Variants in ZNF362 observed in about 807,000 individuals in gnomAD.
ZNF362 encodes the protein zinc finger protein 362, also known as rotund homolog.
Under a neutral mutation model 42.9 loss-of-function variants are expected in ZNF362, and 11 were observed. The observed-to-expected ratio is 0.26, with a 90% CI of 0.16 to 0.42. The LOEUF is 0.42. Among genes scored for constraint, ZNF362 ranks in the 20% least tolerant of loss-of-function variants. The pLI, the probability that ZNF362 is intolerant of heterozygous loss-of-function variation, is 1.00. For synonymous variants in ZNF362, 255 were observed against 257.3 expected (o/e 0.99, Z 0.09); for missense variants, 362 against 576.2 (o/e 0.63, Z 3.81).
In ZNF362 at chr1:33,280,350, C is replaced by T. The variant is rs2148107910; in HGVS notation, c.576C>T (p.Arg192=). The T allele has an allele frequency of 5.0e-6, 8 of 1,614,014 alleles. No homozygotes were observed. Among genetic ancestry groups the T allele is most frequent in the East Asian group, 2.2e-5 (1 of 44,870 alleles). The change falls in exon 5 of 9, where the codon CGC becomes CGT. Residue 192 remains arginine (R), a synonymous_variant. Coordinates refer to ENST00000539719, the MANE Select transcript of ZNF362 (RefSeq NM_152493.3). The surrounding 1 kb of genome is among the most constrained non-coding windows in gnomAD (Gnocchi z 5.6). The part of the protein sequence containing the change: ...HGLLGPPKSE[R]GRKKIKAENP... ...TGCTTGGCCCCCCCAAGTCCGAACG[C>T]GGCCGCAAAAAGATCAAGGCGGAGA...
chr1:33,239,287 C>A, the ZNF362 span, among the ~76,000 whole-genome samples: 3 of 152,170 alleles, frequency 2.0e-5, no homozygotes, highest in East Asian at 5.8e-4. Context: ...AGACCCCAAA[C>A]GTGGGCCCTA....
intron 7 of ZNF362, 34 bp from the exon 8 acceptor site, chr1:33,295,113 G>T (rs766078794): frequency 6.2e-7 from 1 of 1,613,402 alleles, no homozygotes; most frequent in Non-Finnish European, 8.5e-7. Context: ...AGGGAGCCCT[G>T]TTCCTCTCCT....
the ZNF362 span, among the ~76,000 whole-genome samples, chr1:33,191,585 A>G: frequency 6.6e-6 from 1 of 152,218 alleles, no homozygotes; most frequent in African/African-American, 2.4e-5. Context: ...GTTCACTGCA[A>G]CCACTGCCTC....
chr1:33,217,909 T>A, the ZNF362 span, among the ~76,000 whole-genome samples: 1 of 152,200 alleles, frequency 6.6e-6, no homozygotes, highest in African/African-American at 2.4e-5. Flanking sequence ...ATATTTATCT[T>A]ATTACTGTCA....
the ZNF362 span, among the ~76,000 whole-genome samples, chr1:33,211,420 A>G: frequency 6.6e-6 from 1 of 152,116 alleles, no homozygotes. Context: ...GAGCTCTTGT[A>G]AGGCAGGCCT....
At chr1:33,128,182 T>C in the ZNF362 span, among the ~76,000 whole-genome samples, 1 of 97,808 alleles carries the variant, frequency 1.0e-5, no homozygotes, top group African/African-American at 4.0e-5. Context: ...CCGGGTAAAA[T>C]AGTGAAACTC....
At chr1:33,191,568 G>A in the ZNF362 span, among the ~76,000 whole-genome samples, 4 of 152,016 alleles carry the variant, frequency 2.6e-5, no homozygotes, top group Non-Finnish European at 5.9e-5. Context: ...GCAATGGCAC[G>A]ATCTTGGTTC....
the ZNF362 span, among the ~76,000 whole-genome samples, chr1:33,233,830 T>C: frequency 6.6e-6 from 1 of 152,194 alleles, no homozygotes; most frequent in Non-Finnish European, 1.5e-5. Context: ...CACAAGAGTT[T>C]GACTTCCAGC....
chr1:33,150,257 C>T, the ZNF362 span, among the ~76,000 whole-genome samples: 1 of 152,180 alleles, frequency 6.6e-6, no homozygotes, highest in African/African-American at 2.4e-5. Context: ...CCTTTACTGG[C>T]GAAGTGGGGA....
rs1262021492 is a variant in ZNF362 at position 33,281,143 on chromosome 1, C to G, written c.684-444C>G. 2.6e-5 allele frequency among the ~76,000 whole-genome samples: 4 copies of G among 152,170 alleles called. No homozygotes were observed. Among genetic ancestry groups the G allele is most frequent in the African/African-American group, 9.7e-5 (4 of 41,436 alleles). On this transcript the variant is annotated intron_variant, in intron 5 of 8. Coordinates refer to ENST00000539719, the MANE Select transcript of ZNF362 (RefSeq NM_152493.3). This position sits in a 1 kb window ranked among gnomAD's most constrained non-coding sequence, Gnocchi z 4.8. Reference sequence around the variant, plus strand: ...CTTTCAGAAAATGCGGATGCCAGGGCTGCATCTCCAGGAATTCTGAGTTAA... The same window carrying G: ...CTTTCAGAAAATGCGGATGCCAGGGGTGCATCTCCAGGAATTCTGAGTTAA...
At chr1:33,296,549 T>C (rs1646125682) in intron 8 of ZNF362, among the ~76,000 whole-genome samples, 1 of 152,016 alleles carries the variant, frequency 6.6e-6, no homozygotes, top group African/African-American at 2.4e-5. Context: ...GAGGACACAA[T>C]GGAGCTGGGA....
the ZNF362 span, among the ~76,000 whole-genome samples, chr1:33,191,424 C>A: frequency 2.0e-5 from 3 of 152,212 alleles, no homozygotes; most frequent in Admixed American, 6.5e-5. Flanking sequence ...CCAAAGCAGG[C>A]ACATCTTCCA....
At position 33,266,359 on chromosome 1, in the gene ZNF362, GCAT is replaced by G. The variant is rs1645864789; in HGVS notation, c.-88-4127_-88-4125del. Among the ~76,000 whole-genome samples the G allele has an allele frequency of 6.6e-6, 1 of 152,224 alleles. No individual in the cohort carries two copies. The highest frequency in any genetic ancestry group is 6.5e-5 in the Admixed American group (1 of 15,292). On this transcript the variant is annotated intron_variant, in intron 1 of 8. Transcript: ENST00000539719. This position sits in a 1 kb window ranked among gnomAD's most constrained non-coding sequence, Gnocchi z 4.3. ...TATACTAGGCACTTGAGGCCCTACT[GCAT>G]GGCTGGCGCTGGGCTCTGGGGCTGC...
chr1:33,130,649 T>C, the ZNF362 span, among the ~76,000 whole-genome samples: 1 of 152,206 alleles, frequency 6.6e-6, no homozygotes, highest in African/African-American at 2.4e-5. Context: ...AGTTAAGCCA[T>C]ACCCAGGTTC....
In ZNF362 at chr1:33,258,710, G is replaced by C. The variant is rs145583930; in HGVS notation, c.-89+2056G>C. On this transcript the variant is annotated intron_variant, in intron 1 of 8. Transcript: ENST00000539719. Reference sequence around the variant, plus strand: ...GAACTGGACTAGAATGGGACAGCACGATCCCTTCACCCCCTCCTACCCCCG... The same window carrying C: ...GAACTGGACTAGAATGGGACAGCACCATCCCTTCACCCCCTCCTACCCCCG... Among the ~76,000 whole-genome samples, 188 of 152,238 alleles carry C rather than the reference G, an allele frequency of 1.2e-3. 2 individuals are homozygous for C. Among genetic ancestry groups the C allele is most frequent in the African/African-American group, 4.4e-3 (181 of 41,536 alleles).
intron 6 of ZNF362, among the ~76,000 whole-genome samples, chr1:33,282,844 G>A (rs2148113425): frequency 7.4e-6 from 1 of 135,248 alleles, no homozygotes; most frequent in Admixed American, 7.3e-5. Flanking sequence ...AAAAAAAAAA[G>A]TTTGTGCAGG....
At chr1:33,219,560 A>G in the ZNF362 span, among the ~76,000 whole-genome samples, 3 of 152,180 alleles carry the variant, frequency 2.0e-5, no homozygotes, top group Non-Finnish European at 4.4e-5. Flanking sequence ...CCAGGCAGAA[A>G]AGGCCAGCAC....
At chr1:33,269,991 C>T (rs972985339) in intron 1 of ZNF362, among the ~76,000 whole-genome samples, 2 of 152,168 alleles carry the variant, frequency 1.3e-5, no homozygotes, top group African/African-American at 2.4e-5. Context: ...TAAACAGACC[C>T]GGTTTCAAGT....
At chr1:33,269,673 AT>A (rs1433342334) in intron 1 of ZNF362, among the ~76,000 whole-genome samples, 1 of 152,126 alleles carries the variant, frequency 6.6e-6, no homozygotes, top group East Asian at 1.9e-4. Context: ...AAGTGCTGAG[AT>A]TACAGGCATG....
Sources: allele counts gnomAD v4.1 joint callset (sites outside exome capture counted in the v4.1 genomes callset), GRCh38; gene constraint gnomAD v4.1.1; non-coding constraint Gnocchi (gnomAD v3.1); transcripts MANE v1.5; gene names NCBI Gene and HGNC (gene_info 2026-07-23, HGNC 2026-07-21).